The following DSN1 variants were observed in gnomAD, a reference collection of about 807,000 sequenced individuals.
The protein encoded by DSN1 is kinetochore-associated protein DSN1 homolog.
DSN1 carries 31 observed loss-of-function variants against 45.7 expected under a neutral mutation model. The ratio of observed to expected loss-of-function variants is 0.68; its 90% CI spans 0.51 to 0.92. DSN1 has a LOEUF of 0.92. DSN1 is among the 40% of genes least tolerant of loss of function. DSN1 has a pLI of 0.00. For missense variants in DSN1, 394 were observed against 414.2 expected, an observed-to-expected ratio of 0.95 and a Z score of 0.42; for synonymous variants, 134 against 142.3, an observed-to-expected ratio of 0.94 and a Z score of 0.41.
At chr20:36,763,667 T>A (rs1355788453) in intron 5 of DSN1, among the ~76,000 whole-genome samples, 1 of 149,830 alleles carries the variant, frequency 6.7e-6, no homozygotes, top group East Asian at 2.0e-4. Flanking sequence ...GGCGGGCAGA[T>A]CACGAGGTCA....
chr20:36,761,865 C>T (rs1009913481), intron 6 of DSN1, among the ~76,000 whole-genome samples: 6 of 151,502 alleles, frequency 4.0e-5, no homozygotes, highest in Non-Finnish European at 7.4e-5. Flanking sequence ...AAAAATTAGC[C>T]AGGCATGGTG....
intron 8 of DSN1, among the ~76,000 whole-genome samples, chr20:36,756,960 GTAATTAGGGTTTTGAC>G (rs1986708535): frequency 6.6e-6 from 1 of 152,182 alleles, no homozygotes; most frequent in Non-Finnish European, 1.5e-5. Context: ...GGCCACTTTT[GTAATTAGGGTTTTGAC>G]TAACATTTTG....
intron 5 of DSN1, among the ~76,000 whole-genome samples, chr20:36,764,354 T>C (rs1358791719): frequency 6.6e-6 from 1 of 152,196 alleles, no homozygotes; most frequent in Non-Finnish European, 1.5e-5. Flanking sequence ...AATCCTAGCA[T>C]ATCTACTTTA....
chr20:36,755,686 A>T lies in DSN1; in HGVS notation c.869T>A (p.Leu290Ter). The T allele has an allele frequency of 6.2e-7, 1 of 1,612,376 alleles. No homozygotes were observed. ...AATAAACATGAGCCCACTTACCACC[A>T]ACTCCATACAGTCAAAGACTTTGCT... ...NQSKVFDCME[L>*]VMDELQGSVK... The change falls in exon 9 of 11, where the codon TTG (leucine) becomes TAG (stop). Residue 290 changes from leucine to a stop codon, truncating the protein, a stop_gained. Transcript: ENST00000373750. LOFTEE classifies it high-confidence loss of function.
At chr20:36,764,961 A>G (rs910695297) in intron 5 of DSN1, among the ~76,000 whole-genome samples, 1 of 151,972 alleles carries the variant, frequency 6.6e-6, no homozygotes, top group African/African-American at 2.4e-5. Context: ...CTCTAAAAAT[A>G]TGAAAAAAGA....
intron 6 of DSN1, among the ~76,000 whole-genome samples, chr20:36,761,107 TCTG>T (rs1318496118): frequency 6.6e-6 from 1 of 152,156 alleles, no homozygotes; most frequent in East Asian, 1.9e-4. Flanking sequence ...GTTTTAAATT[TCTG>T]CTAATATTCA....
chr20:36,762,951 A>AC (rs1417428833), intron 5 of DSN1, among the ~76,000 whole-genome samples: 1 of 152,136 alleles, frequency 6.6e-6, no homozygotes, highest in Non-Finnish European at 1.5e-5. Context: ...ATGGGGTTTT[A>AC]CCATGTTGTC....
intron 5 of DSN1, among the ~76,000 whole-genome samples, chr20:36,763,320 G>A (rs928980954): frequency 1.9e-4 from 26 of 140,234 alleles, no homozygotes; most frequent in African/African-American, 6.3e-4. Flanking sequence ...CAGGGGAATC[G>A]CTTGAACCTG....
At chr20:36,758,755 T>C (rs1034886926) in intron 6 of DSN1, 138 bp from the exon 7 acceptor site, 3 of 765,544 alleles carry the variant, frequency 3.9e-6, no homozygotes, top group Non-Finnish European at 6.0e-6. Context: ...TGGCACAATC[T>C]TGGCTCTCTG....
At chr20:36,763,266 G>A (rs527701261) in intron 5 of DSN1, among the ~76,000 whole-genome samples, 10 of 151,882 alleles carry the variant, frequency 6.6e-5, no homozygotes, top group Admixed American at 5.9e-4. Context: ...ATACCTGGGC[G>A]TGGTGGTACA....
intron 4 of DSN1, among the ~76,000 whole-genome samples, chr20:36,767,271 C>T (rs1987395941): frequency 1.3e-5 from 2 of 151,970 alleles, no homozygotes; most frequent in South Asian, 4.1e-4. Context: ...TGTGCCACTG[C>T]ACTCCAGCCT....
Position 36,773,673 on chromosome 20 carries a change from G to A in DSN1, c.-27C>T. The A allele has an allele frequency of 1.0e-6, 1 of 985,626 alleles. No individual in the cohort carries two copies. Among genetic ancestry groups the A allele is most frequent in the Non-Finnish European group, 1.2e-6 (1 of 830,092 alleles). The allele number at this position is 985,626 out of a possible 1,614,324, so 61.1% of individuals were successfully genotyped here. A position where few individuals can be genotyped will look rare whatever the true frequency, so the allele number is the denominator to read the frequency against. The stretch of plus-strand genomic sequence containing the variant: ...CGGAACCTCCGTACCTGAAACACAA[G>A]GCCACGGGTCGCTCTCCACAGCCCC... On this transcript the variant is annotated 5_prime_UTR_variant, in exon 1 of 11. Transcript: ENST00000373750.
Position 36,771,037 on chromosome 20 carries a change from T to C in DSN1, c.191A>G (p.Asn64Ser). 1 of 1,614,196 alleles carries C rather than the reference T, an allele frequency of 6.2e-7. No homozygotes were observed. Among genetic ancestry groups the C allele is most frequent in the African/African-American group, 1.3e-5 (1 of 75,042 alleles). ...TCTTTCCTGGTGGCTGAGATCACAATTTCCCCCTTTTTTAGGGCTAGAGCC... is the reference window on the plus strand; with the variant it reads ...TCTTTCCTGGTGGCTGAGATCACAACTTCCCCCTTTTTTAGGGCTAGAGCC... ...HLGSSPKKGG[N>S]CDLSHQERLQ... Residue 64 changes from asparagine (N) to serine (S), a missense_variant, in exon 3 of 11, where the codon AAT (asparagine) becomes AGT (serine). By Grantham distance (46) the Asn-to-Ser change is conservative. Transcript: ENST00000373750.
At chr20:36,770,166 G>A (rs879695709) in intron 3 of DSN1, among the ~76,000 whole-genome samples, 3 of 152,138 alleles carry the variant, frequency 2.0e-5, no homozygotes, top group Non-Finnish European at 4.4e-5. Flanking sequence ...CTGGGCCCAA[G>A]TGATCCTCTT....
rs780232179 is a variant in DSN1 at position 36,768,033 on chromosome 20, C to G, written c.365G>C (p.Arg122Pro). Reference protein sequence around the residue: ...PIHQGITELSRSISVDLAESK... With the variant: ...PIHQGITELSPSISVDLAESK... Reference sequence around the variant, plus strand: ...TTCTGCTAAATCGACACTGATAGACCGGCTGAGCTCTAACATAAAACATAG... The same window carrying G: ...TTCTGCTAAATCGACACTGATAGACGGGCTGAGCTCTAACATAAAACATAG... The change falls in exon 4 of 11, where the codon CGG (arginine) becomes CCG (proline). Residue 122 changes from arginine (R) to proline (P), a missense_variant. Coordinates refer to ENST00000373750, the MANE Select transcript of DSN1 (RefSeq NM_001145315.2). 6.2e-7 allele frequency: 1 copy of G among 1,614,030 alleles called. No homozygotes were observed. The highest frequency in any genetic ancestry group is 8.5e-7 in the Non-Finnish European group (1 of 1,179,964).
At chr20:36,755,350 C>T (rs1402433961) in intron 9 of DSN1, among the ~76,000 whole-genome samples, 1 of 151,940 alleles carries the variant, frequency 6.6e-6, no homozygotes, top group African/African-American at 2.4e-5. Context: ...CCTGGTTTGA[C>T]ACAACACTAC....
At chr20:36,760,498 T>C (rs1381683901) in intron 6 of DSN1, among the ~76,000 whole-genome samples, 1 of 152,200 alleles carries the variant, frequency 6.6e-6, no homozygotes, top group Non-Finnish European at 1.5e-5. Flanking sequence ...AAACAAATTA[T>C]TTGTGCCACC....
At chr20:36,755,097 C>T (rs921344347) in intron 9 of DSN1, among the ~76,000 whole-genome samples, 4 of 152,112 alleles carry the variant, frequency 2.6e-5, no homozygotes, top group African/African-American at 7.2e-5. Flanking sequence ...AGGAGCTGAA[C>T]GAGTCATCTT....
At chr20:36,768,128 TA>T in intron 3 of DSN1, 86 bp from the exon 4 acceptor site, 2 of 1,318,144 alleles carry the variant, frequency 1.5e-6, no homozygotes, top group African/African-American at 1.5e-5. Flanking sequence ...TCCCTCTTGA[TA>T]AATCCAACTT....
Sources: gnomAD v4.1 joint callset for allele counts (sites outside exome capture counted in the v4.1 genomes callset) on GRCh38, gnomAD v4.1.1 for gene constraint, MANE v1.5 for transcripts, NCBI Gene and HGNC (gene_info 2026-07-23, HGNC 2026-07-21) for gene names.